TNIP1: variants seen among roughly 807,000 people sequenced by gnomAD.
TNIP1 encodes the protein TNFAIP3-interacting protein 1.
In TNIP1, 22 loss-of-function variants were observed where a neutral mutation model predicts 86.6. The ratio of observed to expected loss-of-function variants is 0.25; its 90% confidence interval spans 0.18 to 0.36. TNIP1 has a LOEUF of 0.36. TNIP1 is among the 10% of genes least tolerant of loss of function. The pLI is 1.00. For synonymous variants in TNIP1, 294 were observed against 313.0 expected (o/e 0.94, Z 0.64); for missense variants, 709 against 820.6 (o/e 0.86, Z 1.66).
intron 1 of TNIP1, among the ~76,000 whole-genome samples, chr5:151,077,498 C>T (rs1392380866): frequency 6.6e-6 from 1 of 152,226 alleles, no homozygotes; most frequent in Non-Finnish European, 1.5e-5. Flanking sequence ...TTGCCACACA[C>T]TATCCCATTA....
intron 8 of TNIP1, among the ~76,000 whole-genome samples, chr5:151,047,770 G>C (rs1759369256): frequency 6.6e-6 from 1 of 152,100 alleles, no homozygotes. Context: ...GAGGGTGTGT[G>C]TCGACTCTAT....
upstream of TNIP1, among the ~76,000 whole-genome samples, chr5:151,081,440 G>T (rs1473349609): frequency 1.1e-4 from 16 of 152,208 alleles, no homozygotes; most frequent in Admixed American, 9.8e-4. Flanking sequence ...TAAGCATTTG[G>T]CCCTAAGCCA....
intron 6 of TNIP1, 79 bp from the exon 7 acceptor site, chr5:151,052,338 G>A: frequency 1.6e-6 from 2 of 1,232,890 alleles, no homozygotes; most frequent in South Asian, 2.6e-5. Context: ...GGATGGTGGG[G>A]GGCCTGTAGC....
At chr5:151,040,532 T>C (rs1267534979) in intron 11 of TNIP1, among the ~76,000 whole-genome samples, 1 of 152,148 alleles carries the variant, frequency 6.6e-6, no homozygotes, top group Admixed American at 6.5e-5. Context: ...TGAAACGTCC[T>C]ACCTTCCCTG....
intron 11 of TNIP1, 36 bp from the exon 12 acceptor site, chr5:151,039,261 T>C (rs747364374): frequency 1.3e-6 from 2 of 1,598,752 alleles, no homozygotes; most frequent in Admixed American, 1.7e-5. Flanking sequence ...CTGGCTAGGA[T>C]GGCCTCTCCA....
chr5:151,032,263 C>T (rs761414945), intron 17 of TNIP1, 24 bp downstream of exon 17: 7 of 1,588,140 alleles, frequency 4.4e-6, no homozygotes, highest in South Asian at 1.1e-5. Context: ...CAGGGAGGAC[C>T]AAGACTCAGT....
At position 151,035,458 on chromosome 5, in the gene TNIP1, G is replaced by T; in HGVS notation, c.1521+124C>A. On this transcript the variant is annotated intron_variant, in intron 14 of 17. Transcript: ENST00000521591. ...GAAGGGCCTTGCCGAGCTCAAATAT[G>T]ATTGCAGAGCTGGAGAGAAGCAGTG... The T allele has an allele frequency of 4.2e-6, 6 of 1,423,370 alleles. 1 individual carries two copies. In the South Asian group the frequency reaches 6.4e-5, roughly 15 times the overall value. 88.2% of individuals were successfully genotyped at this position (1,423,370 alleles called of 1,614,324 possible).
chr5:151,075,079 A>C (rs776806153), intron 1 of TNIP1, among the ~76,000 whole-genome samples: 3 of 152,190 alleles, frequency 2.0e-5, no homozygotes, highest in Non-Finnish European at 4.4e-5. Flanking sequence ...GCTCAGCCTA[A>C]ATAACATTTT....
intron 5 of TNIP1, among the ~76,000 whole-genome samples, chr5:151,057,214 C>T (rs1211750219): frequency 3.3e-5 from 5 of 152,250 alleles, no homozygotes; most frequent in Non-Finnish European, 7.3e-5. Flanking sequence ...TTGCAGAGTG[C>T]CTGACAGTAA....
chr5:151,060,376 T>A lies in TNIP1; in HGVS notation c.377A>T (p.Glu126Val), dbSNP rs749096215. ...PPSSGTSSEF[E>V]VVTPEEQNSP... ...ATTCTGCTCCTCAGGAGTGACCACT[T>A]CAAATTCAGAGGAGGTGCCCTGTGC... Residue 126 changes from glutamate (E) to valine (V), a missense_variant, in exon 5 of 18, where the codon GAA becomes GTA. By Grantham distance (121) the Glu-to-Val change is moderately radical. Transcript: ENST00000521591. 6.2e-7 allele frequency: 1 copy of A among 1,614,110 alleles called. No homozygotes were observed. The highest frequency in any genetic ancestry group is 1.1e-5 in the South Asian group (1 of 91,076).
chr5:151,055,727 G>A (rs904726247), intron 6 of TNIP1, among the ~76,000 whole-genome samples: 3 of 152,188 alleles, frequency 2.0e-5, no homozygotes, highest in African/African-American at 7.2e-5. Flanking sequence ...CATCAGCGGG[G>A]CACTTGAGTG....
intron 4 of TNIP1, 121 bp from the exon 5 acceptor site, chr5:151,060,516 C>A: frequency 1.3e-6 from 1 of 779,904 alleles, no homozygotes. Context: ...ACACAGGGAC[C>A]GTTACATATC....
chr5:151,067,478 G>T (rs1439573016), intron 1 of TNIP1, among the ~76,000 whole-genome samples: 3 of 152,212 alleles, frequency 2.0e-5, no homozygotes, highest in African/African-American at 7.2e-5. Context: ...TGGAGTTCAA[G>T]AACAGTGAAA....
intron 1 of TNIP1, chr5:151,080,016 T>C (rs1411357181): frequency 1.3e-5 from 2 of 152,224 alleles, no homozygotes; most frequent in Non-Finnish European, 2.9e-5. Context: ...CGTTGCTGAT[T>C]CTTCTGCATC....
intron 1 of TNIP1, among the ~76,000 whole-genome samples, chr5:151,071,191 G>A (rs993110963): frequency 1.3e-5 from 2 of 152,200 alleles, no homozygotes; most frequent in Non-Finnish European, 2.9e-5. Flanking sequence ...TGAGGACACA[G>A]CACATACTTG....
At chr5:151,036,655 TG>T (rs1757742055) in intron 13 of TNIP1, 134 bp downstream of exon 13, 16 of 1,327,122 alleles carry the variant, frequency 1.2e-5, no homozygotes, top group Middle Eastern at 5.3e-4. Flanking sequence ...CTAGAGCCAG[TG>T]GGGGGCCCTG....
chr5:151,030,608 A>G lies in TNIP1; in HGVS notation c.*105T>C. 1.9e-6 allele frequency: 3 copies of G among 1,576,958 alleles called. No individual in the cohort carries two copies. Among genetic ancestry groups the G allele is most frequent in the African/African-American group, 1.4e-5 (1 of 73,900 alleles). On this transcript the variant is annotated 3_prime_UTR_variant, in exon 18 of 18. Coordinates refer to ENST00000521591, the MANE Select transcript of TNIP1 (RefSeq NM_006058.5). ...GGCCACCCATCTCAGCCTCTCATCCAGCTGAGGCTCTGGCCACACCGTGCA... is the reference window on the plus strand; with the variant it reads ...GGCCACCCATCTCAGCCTCTCATCCGGCTGAGGCTCTGGCCACACCGTGCA...
At chr5:151,067,839 A>C (rs1007156585) in intron 1 of TNIP1, among the ~76,000 whole-genome samples, 1 of 152,178 alleles carries the variant, frequency 6.6e-6, no homozygotes, top group Non-Finnish European at 1.5e-5. Flanking sequence ...TGACCCACTG[A>C]CCAGACGCAC....
chr5:151,085,954 C>A (rs1434379429), upstream of TNIP1, among the ~76,000 whole-genome samples: 3 of 152,238 alleles, frequency 2.0e-5, no homozygotes, highest in South Asian at 2.1e-4. Flanking sequence ...TATGGCCCCT[C>A]CCCGCTCTCC....
Sources: gnomAD v4.1 joint callset for allele counts (sites outside exome capture counted in the v4.1 genomes callset) on GRCh38, gnomAD v4.1.1 for gene constraint, MANE v1.5 for transcripts, NCBI Gene and HGNC (gene_info 2026-07-23, HGNC 2026-07-21) for gene names.